The following DAB1 variants were observed in gnomAD, a reference collection of about 807,000 sequenced individuals.
DAB1 encodes the protein DAB adaptor protein 1.
DAB1 carries 15 observed loss-of-function variants against 64.6 expected under a neutral mutation model. The observed-to-expected ratio is 0.23, with a 90% CI of 0.16 to 0.36. The LOEUF (loss-of-function observed/expected upper bound fraction) is 0.36, where lower values mean the gene tolerates loss of function less well. Among genes scored for constraint, DAB1 ranks in the 10% least tolerant of loss-of-function variants. The probability of loss-of-function intolerance (pLI) is 1.00; values close to 1 mark genes in which losing one functional copy is unlikely to be tolerated. For synonymous variants in DAB1, 235 were observed against 251.9 expected (o/e 0.93, Z 0.64); for missense variants, 596 against 706.7 (o/e 0.84, Z 1.78).
At chr1:57,144,651 G>T (rs1009507376) in intron 3 of DAB1, among the ~76,000 whole-genome samples, 1 of 148,848 alleles carries the variant, frequency 6.7e-6, no homozygotes, top group South Asian at 2.1e-4. Context: ...CCGAGATTGC[G>T]CCACTGCACT....
chr1:58,510,691 G>A lies in DAB1; in HGVS notation n.108-4482C>T, dbSNP rs774321027. Among the ~76,000 whole-genome samples, 6 of 151,974 alleles carry A rather than the reference G, an allele frequency of 3.9e-5. No individual in the cohort carries two copies. The East Asian group carries it at 5.8e-4, about 15-fold the overall frequency. ...AAAGAAAGAAGTAAAATGATTTGCA[G>A]ATGATATGATCTTATAAGTAGAAAA... On this transcript the variant is annotated intron_variant and non_coding_transcript_variant, in intron 2 of 20. Coordinates refer to the DAB1 transcript ENST00000485760.
At chr1:57,181,162 A>G (rs1224984068) in intron 2 of DAB1, among the ~76,000 whole-genome samples, 1 of 152,194 alleles carries the variant, frequency 6.6e-6, no homozygotes, top group Non-Finnish European at 1.5e-5. Context: ...AGTGGAAGGG[A>G]AAAGAAGTGA....
intron 2 of DAB1, among the ~76,000 whole-genome samples, chr1:57,262,932 G>A (rs753714960): frequency 6.6e-6 from 1 of 152,180 alleles, no homozygotes; most frequent in African/African-American, 2.4e-5. Flanking sequence ...CAGGCAGGAA[G>A]TATTCCATGA....
intron 3 of DAB1, among the ~76,000 whole-genome samples, chr1:58,378,028 C>T (rs998268365): frequency 7.1e-6 from 1 of 140,774 alleles, no homozygotes; most frequent in African/African-American, 2.7e-5. Flanking sequence ...TTTTCAGCTC[C>T]ATCAGCTCCT....
At chr1:57,163,233 G>C (rs939788352) in intron 2 of DAB1, among the ~76,000 whole-genome samples, 3 of 152,208 alleles carry the variant, frequency 2.0e-5, no homozygotes, top group African/African-American at 7.2e-5. Context: ...AGGGATAAGT[G>C]TTATGAAGGG....
intron 6 of DAB1, among the ~76,000 whole-genome samples, chr1:57,732,079 A>AG (rs1330362020): frequency 2.6e-5 from 4 of 152,164 alleles, no homozygotes; most frequent in Non-Finnish European, 5.9e-5. Flanking sequence ...AGGAGGCAGG[A>AG]GGGCATGCAG....
At chr1:57,742,845 G>A (rs888764890) in intron 6 of DAB1, among the ~76,000 whole-genome samples, 2 of 152,180 alleles carry the variant, frequency 1.3e-5, no homozygotes, top group Non-Finnish European at 2.9e-5. Context: ...GCAGTGAGAA[G>A]CACCAGTGTG....
intron 6 of DAB1, among the ~76,000 whole-genome samples, chr1:57,704,878 T>TTTCCTTCCTTCC (rs57907821): frequency 3.0e-4 from 44 of 146,368 alleles, no homozygotes; most frequent in African/African-American, 9.6e-4. Context: ...GGAAATTTCT[T>TTTCCTTCCTTCC]TTCCTTCCTT....
chr1:57,320,539 T>C (rs1285198062), intron 1 of DAB1, among the ~76,000 whole-genome samples: 1 of 152,226 alleles, frequency 6.6e-6, no homozygotes, highest in East Asian at 1.9e-4. Context: ...AAAGATTCTA[T>C]ATAAACCTAT....
intron 4 of DAB1, among the ~76,000 whole-genome samples, chr1:57,107,471 G>C (rs1488920131): frequency 1.3e-5 from 2 of 151,708 alleles, no homozygotes; most frequent in East Asian, 3.9e-4. Context: ...AGGTTTTAGG[G>C]GAACATAGAG....
At chr1:57,186,441 C>T (rs934643589) in intron 2 of DAB1, among the ~76,000 whole-genome samples, 1 of 152,142 alleles carries the variant, frequency 6.6e-6, no homozygotes, top group Non-Finnish European at 1.5e-5. Flanking sequence ...TGCTATAAAA[C>T]ATTATTTATT....
chr1:58,043,969 G>A (rs113005298), intron 5 of DAB1, among the ~76,000 whole-genome samples: 5,363 of 152,160 alleles, frequency 0.035, 275 homozygotes, highest in African/African-American at 0.12. Context: ...CTCGTGATCC[G>A]CCTGCCTTGG....
intron 2 of DAB1, among the ~76,000 whole-genome samples, chr1:57,153,903 T>C (rs1659959929): frequency 6.6e-6 from 1 of 152,084 alleles, no homozygotes; most frequent in Non-Finnish European, 1.5e-5. Flanking sequence ...CCTTCCAAAG[T>C]GTTGGGATTA....
At chr1:57,768,813 T>C (rs1649433275) in intron 6 of DAB1, among the ~76,000 whole-genome samples, 2 of 152,126 alleles carry the variant, frequency 1.3e-5, no homozygotes, top group African/African-American at 4.8e-5. Context: ...CAAATATTAA[T>C]GAGCAATAAA....
chr1:57,286,882 A>T (rs545935737), intron 2 of DAB1, among the ~76,000 whole-genome samples: 1 of 152,326 alleles, frequency 6.6e-6, no homozygotes, highest in South Asian at 2.1e-4. Context: ...ACCAAGTAAG[A>T]TTTACCCCAG....
At chr1:57,051,607 G>A (rs539570953) in intron 9 of DAB1, among the ~76,000 whole-genome samples, 1 of 152,178 alleles carries the variant, frequency 6.6e-6, no homozygotes, top group Non-Finnish European at 1.5e-5. Flanking sequence ...TTTGCAGGAT[G>A]GGATGCAGGG....
chr1:57,012,131 G>A (rs1440973340), intron 12 of DAB1, among the ~76,000 whole-genome samples: 1 of 152,284 alleles, frequency 6.6e-6, no homozygotes, highest in South Asian at 2.1e-4. Context: ...TACTGGCTAA[G>A]ACCCAAGTGA....
intron 3 of DAB1, among the ~76,000 whole-genome samples, chr1:58,412,443 C>A (rs1022129518): frequency 6.6e-6 from 1 of 152,174 alleles, no homozygotes; most frequent in African/African-American, 2.4e-5. Flanking sequence ...TCACTTCTGG[C>A]CTGTTCATCA....
At chr1:57,832,058 A>T (rs1652613488) in intron 1 of DAB1, among the ~76,000 whole-genome samples, 1 of 152,226 alleles carries the variant, frequency 6.6e-6, no homozygotes, top group Non-Finnish European at 1.5e-5. Flanking sequence ...ATTAAATCAT[A>T]TACACTTGCA....
Sources: allele counts gnomAD v4.1 joint callset (sites outside exome capture counted in the v4.1 genomes callset), GRCh38; gene constraint gnomAD v4.1.1; transcripts MANE v1.5; gene names NCBI Gene and HGNC (gene_info 2026-07-23, HGNC 2026-07-21).